Variants in PIAS1 observed in about 807,000 individuals in gnomAD.
The protein encoded by PIAS1 is E3 SUMO-protein ligase PIAS1.
PIAS1 carries 6 observed loss-of-function variants against 71.3 expected under a neutral mutation model. That is an observed-to-expected ratio of 0.08 (90% CI 0.05 to 0.17). The LOEUF (loss-of-function observed/expected upper bound fraction) is 0.17. Among genes scored for constraint, PIAS1 ranks in the 10% least tolerant of loss-of-function variants. The pLI is 1.00. For synonymous variants in PIAS1, 303 were observed against 292.9 expected (o/e 1.03, Z -0.35); for missense variants, 555 against 793.6 (o/e 0.70, Z 3.61).
chr15:68,161,344 G>A (rs1245127895), intron 7 of PIAS1, among the ~76,000 whole-genome samples: 1 of 152,160 alleles, frequency 6.6e-6, no homozygotes, highest in African/African-American at 2.4e-5. Flanking sequence ...GAGATTGAAA[G>A]ATTCTATTGT....
chr15:68,068,610 G>A (rs1224270730), intron 1 of PIAS1, among the ~76,000 whole-genome samples: 1 of 151,808 alleles, frequency 6.6e-6, no homozygotes, highest in African/African-American at 2.4e-5. Context: ...CTGCCACCAT[G>A]CTTGGCCAAT....
At chr15:68,183,164 G>A (rs2093066554) in intron 12 of PIAS1, among the ~76,000 whole-genome samples, 1 of 152,148 alleles carries the variant, frequency 6.6e-6, no homozygotes, top group Non-Finnish European at 1.5e-5. Flanking sequence ...GATAGCAAAT[G>A]AGCAAATTTA....
intron 8 of PIAS1, among the ~76,000 whole-genome samples, chr15:68,168,220 G>A (rs1216977104): frequency 2.6e-5 from 4 of 151,954 alleles, no homozygotes; most frequent in Non-Finnish European, 5.9e-5. Flanking sequence ...TGTTGGCTAG[G>A]CTAGTCTGGA....
At chr15:68,176,687 T>C (rs2093022198) in intron 11 of PIAS1, 33 bp downstream of exon 11, 4 of 1,430,564 alleles carry the variant, frequency 2.8e-6, no homozygotes, top group Non-Finnish European at 3.8e-6. Flanking sequence ...AAAAAAGTAA[T>C]CATGAAAATT....
intron 6 of PIAS1, among the ~76,000 whole-genome samples, chr15:68,151,545 C>T (rs1458992778): frequency 6.6e-6 from 1 of 151,834 alleles, no homozygotes; most frequent in South Asian, 2.1e-4. Context: ...TCCAGTTGGG[C>T]CTGGTGACTC....
intron 2 of PIAS1, among the ~76,000 whole-genome samples, chr15:68,092,414 C>A (rs956257969): frequency 6.6e-6 from 1 of 152,126 alleles, no homozygotes; most frequent in South Asian, 2.1e-4. Flanking sequence ...TCAAAGCAGT[C>A]CGCTCACCTC....
At chr15:68,160,930 A>G (rs539497813) in intron 7 of PIAS1, among the ~76,000 whole-genome samples, 81 of 152,322 alleles carry the variant, frequency 5.3e-4, no homozygotes, top group African/African-American at 1.9e-3. Flanking sequence ...GCGTTGCCCT[A>G]GAGATCCTAG....
rs987376837 is a variant in PIAS1 at position 68,189,161 on chromosome 15, T to C, written c.*1326T>C. 5.9e-5 allele frequency: 9 copies of C among 152,214 alleles called. No individual in the cohort carries two copies. The highest frequency in any genetic ancestry group is 1.2e-4 in the Non-Finnish European group (8 of 68,032). 9.4% of individuals were successfully genotyped at this position (152,214 alleles called of 1,614,324 possible). On this transcript the variant is annotated 3_prime_UTR_variant, in exon 14 of 14. Coordinates refer to ENST00000249636, the MANE Select transcript of PIAS1 (RefSeq NM_016166.3). ...CATGGATCAGTCTGATCTACTCTTA[T>C]TCATAATGGAACATGTAAATATACT...
chr15:68,070,994 G>A (rs1017877081), intron 1 of PIAS1, among the ~76,000 whole-genome samples: 7 of 152,024 alleles, frequency 4.6e-5, no homozygotes, highest in African/African-American at 1.7e-4. Flanking sequence ...AGCTTACATT[G>A]TATTTCCTTT....
At chr15:68,162,876 G>A (rs911625440) in intron 7 of PIAS1, among the ~76,000 whole-genome samples, 1 of 152,178 alleles carries the variant, frequency 6.6e-6, no homozygotes, top group Non-Finnish European at 1.5e-5. Context: ...AGGAGAAGAA[G>A]GGTATCCCAG....
intron 1 of PIAS1, among the ~76,000 whole-genome samples, chr15:68,077,725 A>G (rs554511226): frequency 1.3e-5 from 2 of 152,286 alleles, no homozygotes; most frequent in South Asian, 4.1e-4. Flanking sequence ...TAGTGTCTGT[A>G]GTTGTTATTA....
intron 2 of PIAS1, among the ~76,000 whole-genome samples, chr15:68,138,202 T>C (rs2092746939): frequency 6.6e-6 from 1 of 152,116 alleles, no homozygotes; most frequent in Non-Finnish European, 1.5e-5. Flanking sequence ...CCACTTATGT[T>C]ATTTAACTAG....
At chr15:68,158,226 C>G (rs2092903751) in intron 7 of PIAS1, among the ~76,000 whole-genome samples, 1 of 152,170 alleles carries the variant, frequency 6.6e-6, no homozygotes. Flanking sequence ...GCTTTTTAAA[C>G]TTTCCATGAC....
chr15:68,173,674 C>T lies in PIAS1; in HGVS notation c.1009-58C>T, dbSNP rs73423801. The T allele has an allele frequency of 3.4e-3, 4,483 of 1,322,408 alleles. 133 individuals carry two copies. The African/African-American group carries it at 0.059, about 17-fold the overall frequency. 81.9% of individuals were successfully genotyped at this position (1,322,408 alleles called of 1,614,324 possible). On this transcript the variant is annotated intron_variant, in intron 8 of 13. Transcript: ENST00000249636. The surrounding 1 kb of genome is among the most constrained non-coding windows in gnomAD (Gnocchi z 4.3). ...CTGTTGTGTTCTAGGAAATTTTTGT[C>T]AAAGCTTAAATGTTGAATAGCAATT...
rs186306961 is a variant in PIAS1, at chr15:68,112,829, G to T, written c.469+26079G>T. On this transcript the variant is annotated intron_variant, in intron 2 of 13. Transcript: ENST00000249636. ...TAAAATTGTGTTCGTCTTTTGACTT[G>T]CCCATTCTGTTTCTAAGAGTATGTC... 3.8e-4 allele frequency among the ~76,000 whole-genome samples: 48 copies of T among 125,782 alleles called. 1 individual carries two copies. The East Asian group carries it at 0.011, about 28-fold the overall frequency. 82.5% of individuals were successfully genotyped at this position (125,782 alleles called of 152,430 possible).
intron 1 of PIAS1, among the ~76,000 whole-genome samples, chr15:68,084,460 ATAT>A (rs1351051286): frequency 1.3e-5 from 2 of 152,096 alleles, no homozygotes; most frequent in Non-Finnish European, 1.5e-5. Flanking sequence ...TATCCTGCTG[ATAT>A]TATAGTTAGT....
chr15:68,094,290 A>G (rs2092356323), intron 2 of PIAS1, among the ~76,000 whole-genome samples: 1 of 151,760 alleles, frequency 6.6e-6, no homozygotes, highest in South Asian at 2.1e-4. Context: ...CCTTTTTCCT[A>G]TTTAAAGTAG....
intron 1 of PIAS1, among the ~76,000 whole-genome samples, chr15:68,082,835 G>A (rs1038425801): frequency 2.0e-5 from 3 of 152,112 alleles, no homozygotes; most frequent in Non-Finnish European, 2.9e-5. Flanking sequence ...GGTTGCCTCG[G>A]GGATTTGAAA....
rs139803980 is a variant in PIAS1, at chr15:68,063,598, G to A, written c.24+9248G>A. On this transcript the variant is annotated intron_variant, in intron 1 of 13. Coordinates refer to ENST00000249636, the MANE Select transcript of PIAS1 (RefSeq NM_016166.3). Reference sequence around the variant, plus strand: ...GTGATTTTAATATATTATCACATATGTGTGTATATTTATTTAAATATTTCT... The same window carrying A: ...GTGATTTTAATATATTATCACATATATGTGTATATTTATTTAAATATTTCT... Among the ~76,000 whole-genome samples the A allele has an allele frequency of 4.5e-3, 686 of 152,242 alleles. 5 individuals carry two copies. Among genetic ancestry groups the A allele is most frequent in the Non-Finnish European group, 8.4e-3 (573 of 68,008 alleles).
Sources: gnomAD v4.1 joint callset for allele counts (sites outside exome capture counted in the v4.1 genomes callset) on GRCh38, gnomAD v4.1.1 for gene constraint, Gnocchi (gnomAD v3.1) non-coding constraint, MANE v1.5 for transcripts, NCBI Gene and HGNC (gene_info 2026-07-23, HGNC 2026-07-21) for gene names.